Variants in MTMR14 observed in about 807,000 individuals in gnomAD.
MTMR14 encodes myotubularin related protein 14.
In MTMR14, 48 loss-of-function variants were observed where a neutral mutation model predicts 86.3. The observed-to-expected ratio is 0.56, with a 90% CI of 0.44 to 0.71. The LOEUF (loss-of-function observed/expected upper bound fraction) is 0.71. Among genes scored for constraint, MTMR14 ranks in the 30% least tolerant of loss-of-function variants. The probability of loss-of-function intolerance (pLI) is 0.00; values close to 1 mark genes in which losing one functional copy is unlikely to be tolerated. For missense variants in MTMR14, 780 were observed against 834.6 expected (o/e 0.93, Z 0.81); for synonymous variants, 366 against 326.1 (o/e 1.12, Z -1.32).
At chr3:9,691,128 G>A (rs2076126175) in intron 17 of MTMR14, among the ~76,000 whole-genome samples, 1 of 152,254 alleles carries the variant, frequency 6.6e-6, no homozygotes, top group African/African-American at 2.4e-5. Context: ...AGGCAGAGCA[G>A]ATAAGCGGGA....
At chr3:9,650,945 C>T (rs1234781618) in intron 1 of MTMR14, among the ~76,000 whole-genome samples, 16 of 152,074 alleles carry the variant, frequency 1.1e-4, no homozygotes, top group Admixed American at 8.5e-4. Context: ...CCCACCACCA[C>T]GCCCAGCTAA....
chr3:9,694,146 T>C (rs1195666784), intron 17 of MTMR14, among the ~76,000 whole-genome samples: 1 of 152,188 alleles, frequency 6.6e-6, no homozygotes, highest in Non-Finnish European at 1.5e-5. Flanking sequence ...CATGAACCAA[T>C]TTCTGAGTCA....
intron 7 of MTMR14, among the ~76,000 whole-genome samples, chr3:9,674,168 G>T (rs546577711): frequency 6.6e-6 from 1 of 152,162 alleles, no homozygotes; most frequent in African/African-American, 2.4e-5. Flanking sequence ...GCATCACTTC[G>T]TTTAAATTTA....
In MTMR14 at chr3:9,649,789, A is replaced by G. The variant is rs1391546080; in HGVS notation, c.159+47A>G. ...GCTGGGGAAGGCTCCTAACTTGGGA[A>G]GTTACAGAGGAAAGGCTGAGGCCAG... On this transcript the variant is annotated intron_variant, in intron 1 of 18. Transcript: ENST00000296003. 2.5e-6 allele frequency: 4 copies of G among 1,608,550 alleles called. No individual in the cohort carries two copies. The South Asian group carries it at 3.3e-5, about 13-fold the overall frequency.
Position 9,689,691 on chromosome 3 carries a change from CAT to C in MTMR14, c.1434-270_1434-269del, listed in dbSNP as rs375552321. Among the ~76,000 whole-genome samples the C allele has an allele frequency of 2.6e-4, 40 of 152,296 alleles. No individual in the cohort carries two copies. In the East Asian group the frequency reaches 7.5e-3, roughly 29 times the overall value. ...GAGGGGGAAAAAAGATTTTGCATAA[CAT>C]ATGGAGGTGGGCAGTGACTGAAGAG... On this transcript the variant is annotated intron_variant, in intron 16 of 18. Coordinates refer to ENST00000296003, the MANE Select transcript of MTMR14 (RefSeq NM_001077525.3).
chr3:9,658,636 G>A (rs186889419), intron 2 of MTMR14, among the ~76,000 whole-genome samples: 3 of 152,356 alleles, frequency 2.0e-5, no homozygotes, highest in Admixed American at 6.5e-5. Context: ...CTGTTTACCT[G>A]TTCTGTGACT....
At chr3:9,682,932 A>ACCC (rs542468520) in intron 9 of MTMR14, among the ~76,000 whole-genome samples, 41 of 143,564 alleles carry the variant, frequency 2.9e-4, no homozygotes, top group African/African-American at 1.0e-3. Context: ...ATTGGGTCAG[A>ACCC]GCCCCCCCCC....
At position 9,662,189 on chromosome 3, in the gene MTMR14, G is replaced by A. The variant is rs2047979725; in HGVS notation, c.309-78G>A. On this transcript the variant is annotated intron_variant, in intron 2 of 18. Transcript: ENST00000296003. ...TTATGTACACAGATCTAGTATGGGG[G>A]TCTGTGTGAATAAACACATATACAC... The A allele has an allele frequency of 4.0e-6, 4 of 991,368 alleles. No individual in the cohort carries two copies. The Admixed American group carries it at 5.2e-5, about 13-fold the overall frequency. The allele number at this position is 991,368 out of a possible 1,614,324, so 61.4% of individuals were successfully genotyped here.
chr3:9,649,733 C>T lies in MTMR14; in HGVS notation c.150C>T (p.Gly50=), dbSNP rs2047169191. The T allele has an allele frequency of 6.2e-7, 1 of 1,613,320 alleles. No homozygotes were observed. The highest frequency in any genetic ancestry group is 1.3e-5 in the African/African-American group (1 of 74,988). Residue 50 remains glycine (G), a synonymous_variant, in exon 1 of 19, where the codon GGC becomes GGT. Coordinates refer to ENST00000296003, the MANE Select transcript of MTMR14 (RefSeq NM_001077525.3). The part of the protein sequence containing the change: ...QYRAKDGSGT[G]GSKVERIEKR... ...GGGCCAAGGATGGCAGCGGGACCGG[C>T]GGCTCTAAGGTGAGATTGGAGGTGC...
intron 3 of MTMR14, among the ~76,000 whole-genome samples, chr3:9,663,646 T>G (rs566575469): frequency 1.3e-5 from 2 of 151,098 alleles, no homozygotes; most frequent in South Asian, 2.1e-4. Flanking sequence ...CCCGAGTAGC[T>G]GGGACTACAG....
intron 3 of MTMR14, among the ~76,000 whole-genome samples, chr3:9,667,306 A>T (rs2125096638): frequency 6.6e-6 from 1 of 152,300 alleles, no homozygotes; most frequent in East Asian, 1.9e-4. Context: ...CTGTGGAAGC[A>T]TCCACTTTAC....
chr3:9,683,673 C>G (rs189078966), intron 10 of MTMR14: 21 of 194,452 alleles, frequency 1.1e-4, no homozygotes, highest in Admixed American at 4.8e-4. Context: ...ATTGGATGGG[C>G]CTGGCTTGCT....
chr3:9,701,060 C>T lies in MTMR14; in HGVS notation c.1770-730C>T, dbSNP rs2076440615. On this transcript the variant is annotated intron_variant, in intron 18 of 18. Coordinates refer to ENST00000296003, the MANE Select transcript of MTMR14 (RefSeq NM_001077525.3). This position sits in a 1 kb window ranked among gnomAD's most constrained non-coding sequence, Gnocchi z 4.2. The stretch of plus-strand genomic sequence containing the variant: ...TCTCGAACTCCTGACCTGCCTCGGC[C>T]TCCCAAAGTGCTGGGATTACAGCCA... The T allele has an allele frequency of 6.6e-6, 1 of 152,516 alleles. No individual in the cohort carries two copies. The highest frequency in any genetic ancestry group is 2.1e-4 in the South Asian group (1 of 4,836). The allele number at this position is 152,516 out of a possible 1,614,324, so 9.4% of individuals were successfully genotyped here.
At chr3:9,687,923 C>T (rs1328524022) in intron 14 of MTMR14, 32 bp downstream of exon 14, 42 of 1,553,166 alleles carry the variant, frequency 2.7e-5, no homozygotes, top group Non-Finnish European at 3.2e-5. Flanking sequence ...TCATGCTGGG[C>T]CAGGGCGCTC....
rs1418827207 is a variant in MTMR14, at chr3:9,669,483, G to T, written c.545G>T (p.Cys182Phe). ...GTGGAGGACGTCACGGAGGAGGACTGTGCTCTTCGGTCAGTGCTGGGTTGC... is the reference window on the plus strand; with the variant it reads ...GTGGAGGACGTCACGGAGGAGGACTTTGCTCTTCGGTCAGTGCTGGGTTGC... ...ADVEDVTEED[C>F]ALRSGDTHLF... The change falls in exon 5 of 19, where the codon TGT (cysteine) becomes TTT (phenylalanine). Residue 182 changes from cysteine (C) to phenylalanine (F), a missense_variant. Physicochemically the swap from Cys to Phe is radical, Grantham distance 205. Coordinates refer to ENST00000296003, the MANE Select transcript of MTMR14 (RefSeq NM_001077525.3). The T allele has an allele frequency of 6.2e-7, 1 of 1,613,498 alleles. No homozygotes were observed. The highest frequency in any genetic ancestry group is 8.5e-7 in the Non-Finnish European group (1 of 1,179,606).
chr3:9,697,030 C>G (rs1339730000), intron 17 of MTMR14, among the ~76,000 whole-genome samples: 1 of 152,160 alleles, frequency 6.6e-6, no homozygotes, highest in African/African-American at 2.4e-5. Context: ...CCCCCAAAAC[C>G]TCCATCTGAA....
At chr3:9,668,598 T>C in intron 3 of MTMR14, 121 bp from the exon 4 acceptor site, 2 of 949,562 alleles carry the variant, frequency 2.1e-6, no homozygotes, top group Non-Finnish European at 1.7e-6. Flanking sequence ...TGATAAAACT[T>C]TGGGGAGTGC....
At chr3:9,659,801 C>G (rs2047821905) in intron 2 of MTMR14, 3 of 456,722 alleles carry the variant, frequency 6.6e-6, no homozygotes, top group Non-Finnish European at 1.3e-5. Context: ...GCCGACCTAA[C>G]AAGAAAAGGT....
intron 1 of MTMR14, 94 bp downstream of exon 1, chr3:9,649,836 G>A: frequency 6.4e-7 from 1 of 1,567,618 alleles, no homozygotes. Flanking sequence ...AGGTAGGAGT[G>A]GTACCTCGCC....
Sources: gnomAD v4.1 joint callset for allele counts (sites outside exome capture counted in the v4.1 genomes callset) on GRCh38, gnomAD v4.1.1 for gene constraint, Gnocchi (gnomAD v3.1) non-coding constraint, MANE v1.5 for transcripts, NCBI Gene and HGNC (gene_info 2026-07-23, HGNC 2026-07-21) for gene names.